The following RTRAF variants were observed in gnomAD, a reference collection of about 807,000 sequenced individuals.
RTRAF encodes the protein RNA transcription, translation and transport factor.
RTRAF carries 14 observed loss-of-function variants against 34.4 expected under a neutral mutation model. That is an observed-to-expected ratio of 0.41 (90% CI 0.27 to 0.64). The LOEUF is 0.64. Ranked by LOEUF, RTRAF falls within the 30% of genes least tolerant of loss-of-function variation. The pLI is 0.34. For missense variants in RTRAF, 291 were observed against 288.4 expected (o/e 1.01, Z -0.06); for synonymous variants, 96 against 95.3 (o/e 1.01, Z -0.04).
In RTRAF at chr14:52,008,007, T is replaced by G; in HGVS notation, c.*3491T>G. 1 of 1,535,028 alleles carries G rather than the reference T, an allele frequency of 6.5e-7. No homozygotes were observed. The highest frequency in any genetic ancestry group is 1.2e-5 in the South Asian group (1 of 82,644). Reference sequence around the variant, plus strand: ...TCAAGATTGTAAAAGAATAGCCATGTAGCCTGTGGTAGGCAGCATCTAAGC... The same window carrying G: ...TCAAGATTGTAAAAGAATAGCCATGGAGCCTGTGGTAGGCAGCATCTAAGC... On this transcript the variant is annotated 3_prime_UTR_variant, in exon 8 of 8. Transcript: ENST00000261700.
In RTRAF at chr14:52,007,908, T is replaced by A; in HGVS notation, c.*3392T>A. On this transcript the variant is annotated 3_prime_UTR_variant, in exon 8 of 8. Coordinates refer to ENST00000261700, the MANE Select transcript of RTRAF (RefSeq NM_016039.3). ...GATCAGAATTCTTCTGTTTTCTCCA[T>A]CTAAAGATGACGTTTCAATTTTAGG... 6.2e-7 allele frequency: 1 copy of A among 1,613,948 alleles called. No individual in the cohort carries two copies. The highest frequency in any genetic ancestry group is 8.5e-7 in the Non-Finnish European group (1 of 1,179,868).
At position 52,009,117 on chromosome 14, in the gene RTRAF, A is replaced by G. The variant is rs1890910084; in HGVS notation, c.*4601A>G. 1 of 152,216 alleles carries G rather than the reference A, an allele frequency of 6.6e-6. No homozygotes were observed. The highest frequency in any genetic ancestry group is 6.5e-5 in the Admixed American group (1 of 15,286). 9.4% of individuals were successfully genotyped at this position (152,216 alleles called of 1,614,324 possible). On this transcript the variant is annotated 3_prime_UTR_variant, in exon 8 of 8. Coordinates refer to ENST00000261700, the MANE Select transcript of RTRAF (RefSeq NM_016039.3). ...CTCAGTGAGAGGAGAGGAAGAAACC[A>G]TAGGTTTCCCCTGTTGCGAATTTCA...
chr14:51,991,009 A>G (rs773672547), intron 1 of RTRAF, among the ~76,000 whole-genome samples: 1 of 152,196 alleles, frequency 6.6e-6, no homozygotes, highest in Non-Finnish European at 1.5e-5. Flanking sequence ...TTTAATCTTC[A>G]TAACTCTATG....
At position 52,008,866 on chromosome 14, in the gene RTRAF, A is replaced by T. The variant is rs1890896086; in HGVS notation, c.*4350A>T. On this transcript the variant is annotated 3_prime_UTR_variant, in exon 8 of 8. Transcript: ENST00000261700. Reference sequence around the variant, plus strand: ...AGGGGTACCTGGCACCCAGGGATGGAAACATTTTAAGTTAAGCACTTTACC... The same window carrying T: ...AGGGGTACCTGGCACCCAGGGATGGTAACATTTTAAGTTAAGCACTTTACC... 6.6e-6 allele frequency: 1 copy of T among 152,230 alleles called. No homozygotes were observed. The highest frequency in any genetic ancestry group is 2.4e-5 in the African/African-American group (1 of 41,466). The allele number at this position is 152,230 out of a possible 1,614,324, so 9.4% of individuals were successfully genotyped here.
chr14:52,000,729 T>G (rs1445339423), intron 5 of RTRAF, among the ~76,000 whole-genome samples: 1 of 152,162 alleles, frequency 6.6e-6, no homozygotes, highest in Non-Finnish European at 1.5e-5. Context: ...CAAAAATGTT[T>G]TTAGTGAAAT....
Position 52,008,651 on chromosome 14 carries a change from C to G in RTRAF, c.*4135C>G, listed in dbSNP as rs1890887903. The G allele has an allele frequency of 6.6e-6, 1 of 152,130 alleles. No individual in the cohort carries two copies. Among genetic ancestry groups the G allele is most frequent in the East Asian group, 1.9e-4 (1 of 5,192 alleles). 9.4% of individuals were successfully genotyped at this position (152,130 alleles called of 1,614,324 possible). On this transcript the variant is annotated 3_prime_UTR_variant, in exon 8 of 8. Coordinates refer to ENST00000261700, the MANE Select transcript of RTRAF (RefSeq NM_016039.3). ...ATCAGAATCCCTGCCTCCAAGATAC[C>G]CCTTGACTCAACTGCCCCAAAACCC...
In RTRAF at chr14:52,008,846, T is replaced by A. The variant is rs968491657; in HGVS notation, c.*4330T>A. 8.5e-5 allele frequency: 13 copies of A among 152,216 alleles called. No individual in the cohort carries two copies. Among genetic ancestry groups the A allele is most frequent in the Admixed American group, 7.9e-4 (12 of 15,280 alleles). 9.4% of individuals were successfully genotyped at this position (152,216 alleles called of 1,614,324 possible). The stretch of plus-strand genomic sequence containing the variant: ...AAATACAATTTGGTACTTGAAGGGG[T>A]ACCTGGCACCCAGGGATGGAAACAT... On this transcript the variant is annotated 3_prime_UTR_variant, in exon 8 of 8. Coordinates refer to ENST00000261700, the MANE Select transcript of RTRAF (RefSeq NM_016039.3).
At position 52,006,064 on chromosome 14, in the gene RTRAF, A is replaced by T; in HGVS notation, c.*1548A>T. Reference sequence around the variant, plus strand: ...TTAGAATCACATGATGAGCTATCAAATCAGAGTTGTAGGGCATGGTGTAAA... The same window carrying T: ...TTAGAATCACATGATGAGCTATCAATTCAGAGTTGTAGGGCATGGTGTAAA... On this transcript the variant is annotated 3_prime_UTR_variant, in exon 8 of 8. Coordinates refer to ENST00000261700, the MANE Select transcript of RTRAF (RefSeq NM_016039.3). 1.8e-6 allele frequency: 1 copy of T among 542,576 alleles called. No homozygotes were observed. Among genetic ancestry groups the T allele is most frequent in the East Asian group, 3.2e-5 (1 of 30,950 alleles). 33.6% of individuals were successfully genotyped at this position (542,576 alleles called of 1,614,324 possible).
intron 1 of RTRAF, 141 bp downstream of exon 1, chr14:51,989,841 C>A: frequency 1.4e-6 from 1 of 738,398 alleles, no homozygotes; most frequent in Non-Finnish European, 2.2e-6. Flanking sequence ...TCCTCTGGGT[C>A]GCCACGTACC....
Position 51,989,548 on chromosome 14 carries a change from C to T in RTRAF, c.-92C>T, listed in dbSNP as rs958016421. 17 of 1,399,962 alleles carry T rather than the reference C, an allele frequency of 1.2e-5. No homozygotes were observed. The Middle Eastern group carries it at 7.2e-4, about 59-fold the overall frequency. 86.7% of individuals were successfully genotyped at this position (1,399,962 alleles called of 1,614,324 possible). A position where few individuals can be genotyped will look rare whatever the true frequency, so the allele number is the denominator to read the frequency against. ...GAGCGACTCAGCGCCTGCCCGCCCTCTCGCCGCGTCGCCGGTGCCTGCGCC... is the reference window on the plus strand; with the variant it reads ...GAGCGACTCAGCGCCTGCCCGCCCTTTCGCCGCGTCGCCGGTGCCTGCGCC... On this transcript the variant is annotated 5_prime_UTR_variant, in exon 1 of 8. Coordinates refer to ENST00000261700, the MANE Select transcript of RTRAF (RefSeq NM_016039.3).
chr14:51,989,595 C>T lies in RTRAF; in HGVS notation c.-45C>T, dbSNP rs1397294901. The T allele has an allele frequency of 6.4e-7, 1 of 1,559,860 alleles. No homozygotes were observed. Among genetic ancestry groups the T allele is most frequent in the South Asian group, 1.2e-5 (1 of 84,324 alleles). On this transcript the variant is annotated 5_prime_UTR_variant, in exon 1 of 8. Transcript: ENST00000261700. ...CGCCTCCCGCTCCACCTCGCTTCTT[C>T]TCTCCCGGCCGAGGCCCGGGGGACC... is the stretch of plus-strand genomic sequence containing the variant.
At chr14:52,001,585 C>T (rs895006506) in intron 5 of RTRAF, among the ~76,000 whole-genome samples, 1 of 152,126 alleles carries the variant, frequency 6.6e-6, no homozygotes, top group Non-Finnish European at 1.5e-5. Context: ...TTAATTGTTG[C>T]AAGCACCATT....
chr14:51,990,380 C>G (rs142512420), intron 1 of RTRAF, among the ~76,000 whole-genome samples: 1 of 152,196 alleles, frequency 6.6e-6, no homozygotes, highest in Non-Finnish European at 1.5e-5. Context: ...TAAACTGCTA[C>G]CCACCACTAC....
Position 52,008,206 on chromosome 14 carries a change from C to T in RTRAF, c.*3690C>T, listed in dbSNP as rs1890869413. The T allele has an allele frequency of 3.6e-5, 14 of 388,952 alleles. No homozygotes were observed. In the East Asian group the frequency reaches 6.4e-4, roughly 18 times the overall value. The allele number at this position is 388,952 out of a possible 1,614,324, so 24.1% of individuals were successfully genotyped here. On this transcript the variant is annotated 3_prime_UTR_variant, in exon 8 of 8. Transcript: ENST00000261700. ...CTGGTTTCTGCCTTAGGGGCTCTCT[C>T]TTGCTCCCTTTGAGGGAAGCTGGAT...
rs1383503247 is a variant in RTRAF at position 52,008,645 on chromosome 14, A to G, written c.*4129A>G. ...GTTACTATCAGAATCCCTGCCTCCA[A>G]GATACCCCTTGACTCAACTGCCCCA... is the stretch of plus-strand genomic sequence containing the variant. On this transcript the variant is annotated 3_prime_UTR_variant, in exon 8 of 8. Transcript: ENST00000261700. 1 of 152,180 alleles carries G rather than the reference A, an allele frequency of 6.6e-6. No homozygotes were observed. The highest frequency in any genetic ancestry group is 6.5e-5 in the Admixed American group (1 of 15,282). The allele number at this position is 152,180 out of a possible 1,614,324, so 9.4% of individuals were successfully genotyped here.
chr14:52,006,295 A>G lies in RTRAF; in HGVS notation c.*1779A>G. The G allele has an allele frequency of 2.2e-6, 1 of 461,814 alleles. No individual in the cohort carries two copies. 28.6% of individuals were successfully genotyped at this position (461,814 alleles called of 1,614,324 possible). On this transcript the variant is annotated 3_prime_UTR_variant, in exon 8 of 8. Coordinates refer to ENST00000261700, the MANE Select transcript of RTRAF (RefSeq NM_016039.3). ...TGAGACATTATCCAATAGCTTTGCT[A>G]CTTTTTAAGCTATATGTGAGCAATA...
chr14:52,005,737 C>T lies in RTRAF; in HGVS notation c.*1221C>T. On this transcript the variant is annotated 3_prime_UTR_variant, in exon 8 of 8. Transcript: ENST00000261700. Reference sequence around the variant, plus strand: ...GAGCATCCTAAAGCATACTTTTTACCTGTTGGGCAGTAGGGGTAGACTGCA... The same window carrying T: ...GAGCATCCTAAAGCATACTTTTTACTTGTTGGGCAGTAGGGGTAGACTGCA... The T allele has an allele frequency of 6.2e-7, 1 of 1,609,146 alleles. No homozygotes were observed. The highest frequency in any genetic ancestry group is 8.5e-7 in the Non-Finnish European group (1 of 1,175,492).
In RTRAF at chr14:52,005,486, T is replaced by G. The variant is rs1890734550; in HGVS notation, c.*970T>G. ...CAAGTCTTCCTTTACATTACTGTAC[T>G]TACTTTCTTCCTGTGAGAGAAGAGC... is the stretch of plus-strand genomic sequence containing the variant. On this transcript the variant is annotated 3_prime_UTR_variant, in exon 8 of 8. Transcript: ENST00000261700. 6.3e-7 allele frequency: 1 copy of G among 1,597,982 alleles called. No individual in the cohort carries two copies. Among genetic ancestry groups the G allele is most frequent in the Admixed American group, 1.8e-5 (1 of 56,648 alleles).
At chr14:52,002,945 T>C (rs1205231762) in intron 6 of RTRAF, among the ~76,000 whole-genome samples, 1 of 152,216 alleles carries the variant, frequency 6.6e-6, no homozygotes, top group East Asian at 1.9e-4. Context: ...GATCAGCTTA[T>C]TTCACCCTCC....
Sources: gnomAD v4.1 joint callset for allele counts (sites outside exome capture counted in the v4.1 genomes callset) on GRCh38, gnomAD v4.1.1 for gene constraint, MANE v1.5 for transcripts, NCBI Gene and HGNC (gene_info 2026-07-23, HGNC 2026-07-21) for gene names.